The following MAPT variants were observed in gnomAD, a reference collection of about 807,000 sequenced individuals.
MAPT encodes the protein microtubule associated protein tau, also known as microtubule-associated protein tau.
Under a neutral mutation model 67.9 loss-of-function variants are expected in MAPT, and 34 were observed. That is an observed-to-expected ratio of 0.50 (90% CI 0.38 to 0.67). The LOEUF (loss-of-function observed/expected upper bound fraction) is 0.67, where lower values mean the gene tolerates loss of function less well. Among genes scored for constraint, MAPT ranks in the 30% least tolerant of loss-of-function variants. The pLI, the probability that MAPT is intolerant of heterozygous loss-of-function variation, is 0.00. For missense variants in MAPT, 881 were observed against 1,115.2 expected, an observed-to-expected ratio of 0.79 and a Z score of 2.99; for synonymous variants, 456 against 464.5, an observed-to-expected ratio of 0.98 and a Z score of 0.23.
chr17:45,974,523 C>A, intron 3 of MAPT: 2 of 1,418,574 alleles, frequency 1.4e-6, no homozygotes, highest in Non-Finnish European at 2.0e-6. Context: ...GCTGGGTGCC[C>A]CAGCTGACCT....
chr17:45,946,318 T>G (rs894997925), intron 1 of MAPT, among the ~76,000 whole-genome samples: 1 of 151,852 alleles, frequency 6.6e-6, no homozygotes, highest in South Asian at 2.1e-4. Flanking sequence ...AAAACAGTAT[T>G]GGGCCAGGCA....
intron 10 of MAPT, among the ~76,000 whole-genome samples, chr17:46,011,651 G>T (rs1318417935): frequency 6.6e-6 from 1 of 152,184 alleles, no homozygotes; most frequent in African/African-American, 2.4e-5. Context: ...GGAGCTGGAC[G>T]TATGAGACCC....
At chr17:45,942,298 G>C (rs149747241) in intron 1 of MAPT, among the ~76,000 whole-genome samples, 1 of 152,320 alleles carries the variant, frequency 6.6e-6, no homozygotes. Flanking sequence ...GACCTCTCTA[G>C]AGTGTACGTT....
rs374652506 is a variant in MAPT at position 45,930,426 on chromosome 17, A to G, written c.-17-31895A>G. Among the ~76,000 whole-genome samples, 15 of 151,334 alleles carry G rather than the reference A, an allele frequency of 9.9e-5. No homozygotes were observed. In the South Asian group the frequency reaches 2.3e-3, roughly 23 times the overall value. On this transcript the variant is annotated intron_variant, in intron 1 of 12. Coordinates refer to ENST00000262410, the MANE Select transcript of MAPT (RefSeq NM_001377265.1). ...TGTCTCCAAAAAAAAAAAAAAAAAGAAAAGGAAAGCTAAAGGAGAGAGACT... is the reference window on the plus strand; with the variant it reads ...TGTCTCCAAAAAAAAAAAAAAAAAGGAAAGGAAAGCTAAAGGAGAGAGACT...
At chr17:46,012,870 T>C (rs4306559) in intron 10 of MAPT, among the ~76,000 whole-genome samples, 21,727 of 151,448 alleles carry the variant, frequency 0.14, 2,122 homozygotes, top group Middle Eastern at 0.22. Flanking sequence ...CCCTCAGTGC[T>C]GGCCTCAGAG....
At chr17:45,918,299 A>T (rs2065382330) in intron 1 of MAPT, among the ~76,000 whole-genome samples, 1 of 152,170 alleles carries the variant, frequency 6.6e-6, no homozygotes, top group Admixed American at 6.5e-5. Flanking sequence ...AGAAATGGAT[A>T]TGAGATGCAT....
chr17:45,931,326 C>A (rs1025906562), intron 1 of MAPT, among the ~76,000 whole-genome samples: 2 of 151,990 alleles, frequency 1.3e-5, no homozygotes, highest in African/African-American at 4.8e-5. Flanking sequence ...AGAAAAGAAA[C>A]GCAGATAGTA....
At chr17:46,012,750 C>G (rs2075901482) in intron 10 of MAPT, among the ~76,000 whole-genome samples, 1 of 151,858 alleles carries the variant, frequency 6.6e-6, no homozygotes, top group Admixed American at 6.6e-5. Flanking sequence ...GGTCCCTGTC[C>G]CAGCCCCCCT....
chr17:45,960,795 C>G (rs986332511), intron 1 of MAPT, among the ~76,000 whole-genome samples: 1 of 150,226 alleles, frequency 6.7e-6, no homozygotes, highest in Non-Finnish European at 1.5e-5. Flanking sequence ...CCCCACTCCC[C>G]CAAAGAAAAC....
chr17:45,921,859 T>C (rs1034843751), intron 1 of MAPT, among the ~76,000 whole-genome samples: 1 of 152,124 alleles, frequency 6.6e-6, no homozygotes, highest in Non-Finnish European at 1.5e-5. Flanking sequence ...TTCTGACTGT[T>C]GTCCTCCTGG....
At chr17:45,967,468 A>C (rs553308940) in intron 2 of MAPT, among the ~76,000 whole-genome samples, 115 of 152,322 alleles carry the variant, frequency 7.5e-4, no homozygotes, top group African/African-American at 2.3e-3. Flanking sequence ...CCATTTGTCC[A>C]AAGCCTTCTT....
chr17:45,907,117 C>T (rs1227237467), intron 1 of MAPT, among the ~76,000 whole-genome samples: 5 of 152,260 alleles, frequency 3.3e-5, no homozygotes, highest in African/African-American at 4.8e-5. Context: ...AAGCTGGCCT[C>T]GAGCTGCCTG....
chr17:45,952,421 G>C (rs1026687178), intron 1 of MAPT, among the ~76,000 whole-genome samples: 1 of 152,196 alleles, frequency 6.6e-6, no homozygotes, highest in Non-Finnish European at 1.5e-5. Context: ...AGCCTCCTGA[G>C]TTAGAAGACA....
At chr17:45,961,170 CA>C (rs67837542) in intron 1 of MAPT, among the ~76,000 whole-genome samples, 22,342 of 140,490 alleles carry the variant, frequency 0.16, 2,125 homozygotes, top group Non-Finnish European at 0.23. Flanking sequence ...GACTCTATCT[CA>C]AAAAAAAAAA....
intron 3 of MAPT, 63 bp downstream of exon 3, chr17:45,972,008 T>G (rs1022862183): frequency 7.9e-7 from 1 of 1,269,626 alleles, no homozygotes; most frequent in Non-Finnish European, 1.1e-6. Flanking sequence ...GCTTTGAGCC[T>G]CCCTCCTGGC....
chr17:46,009,071 T>TG (rs1234146775), intron 9 of MAPT, among the ~76,000 whole-genome samples: 1 of 152,162 alleles, frequency 6.6e-6, no homozygotes, highest in East Asian at 1.9e-4. Flanking sequence ...TGGTGGCATG[T>TG]GCCTGTGGTC....
chr17:46,021,695 T>C (rs2076538658), intron 12 of MAPT, among the ~76,000 whole-genome samples: 2 of 152,062 alleles, frequency 1.3e-5, no homozygotes, highest in African/African-American at 4.8e-5. Context: ...AAAAAGACAA[T>C]GTTCTGGAAG....
intron 1 of MAPT, among the ~76,000 whole-genome samples, chr17:45,920,625 C>T (rs532527895): frequency 2.6e-5 from 4 of 152,326 alleles, no homozygotes; most frequent in South Asian, 2.1e-4. Context: ...TGGCCTTCTG[C>T]GGATGCCAGA....
At chr17:45,908,695 C>A (rs1473210486) in intron 1 of MAPT, among the ~76,000 whole-genome samples, 8 of 152,170 alleles carry the variant, frequency 5.3e-5, no homozygotes. Context: ...AATTTGCAAC[C>A]TCACAGGGTA....
Sources: gnomAD v4.1 joint callset for allele counts (sites outside exome capture counted in the v4.1 genomes callset) on GRCh38, gnomAD v4.1.1 for gene constraint, MANE v1.5 for transcripts, NCBI Gene and HGNC (gene_info 2026-07-23, HGNC 2026-07-21) for gene names.